Variants in PIGN observed in about 807,000 individuals in gnomAD.
PIGN encodes the protein GPI ethanolamine phosphate transferase 1.
A neutral mutation model predicts 125.4 loss-of-function variants in PIGN; 117 were observed. That is an observed-to-expected ratio of 0.93 (90% CI 0.80 to 1.09). The LOEUF is 1.09. PIGN is among the 50% of genes least tolerant of loss of function. PIGN has a pLI of 0.00. For missense variants in PIGN, 1,075 were observed against 1,094.9 expected, an observed-to-expected ratio of 0.98 and a Z score of 0.26; for synonymous variants, 392 against 377.8, an observed-to-expected ratio of 1.04 and a Z score of -0.44.
In PIGN at chr18:62,157,696, C is replaced by T. The variant is rs747737134; in HGVS notation, c.334G>A (p.Val112Ile). The stretch of plus-strand genomic sequence containing the variant: ...TCCAAATAGACAATACCTTTGGCAA[C>T]TGCACTGACATCTTCATAAAACCCA... ...IAGFYEDVSA[V>I]AKGWKENPVE... The change falls in exon 5 of 31, where the codon GTT becomes ATT. Residue 112 changes from valine to isoleucine, a missense_variant. Val to Ile is a conservative substitution (Grantham distance 29, BLOSUM62 3). This residue lies in a region of PIGN where 152 missense variants were observed against 162.9 expected (regional missense o/e 0.93). Transcript: ENST00000640252. The T allele has an allele frequency of 1.2e-6, 2 of 1,610,534 alleles. No homozygotes were observed. Among genetic ancestry groups the T allele is most frequent in the African/African-American group, 1.3e-5 (1 of 74,892 alleles).
Position 62,149,548 on chromosome 18 carries a change from T to C in PIGN, c.550-1210A>G, listed in dbSNP as rs148053140. On this transcript the variant is annotated intron_variant, in intron 7 of 30. Coordinates refer to ENST00000640252, the MANE Select transcript of PIGN (RefSeq NM_176787.5). ...TAGATGTGCCTATCCTATCCTTTCT[T>C]GCAGCTAGATGTGCCTTTGTGGTTT... Among the ~76,000 whole-genome samples, 27 of 152,342 alleles carry C rather than the reference T, an allele frequency of 1.8e-4. 1 individual carries two copies. The highest frequency in any genetic ancestry group is 5.8e-4 in the African/African-American group (24 of 41,592).
chr18:62,049,045 T>C (rs2031009806), intron 30 of PIGN, among the ~76,000 whole-genome samples: 1 of 152,104 alleles, frequency 6.6e-6, no homozygotes, highest in Non-Finnish European at 1.5e-5. Flanking sequence ...TCCTTTTTTA[T>C]GGCTGCATAG....
At chr18:62,050,496 CTGTT>C (rs1438861874) in intron 30 of PIGN, among the ~76,000 whole-genome samples, 12 of 151,672 alleles carry the variant, frequency 7.9e-5, no homozygotes, top group Non-Finnish European at 1.8e-4. Context: ...ATTTGGCTCT[CTGTT>C]TGTCTGTTGT....
At chr18:62,175,351 C>A (rs2037489332) in intron 1 of PIGN, among the ~76,000 whole-genome samples, 1 of 152,010 alleles carries the variant, frequency 6.6e-6, no homozygotes, top group African/African-American at 2.4e-5. Context: ...GTTCACTATA[C>A]TTCATTCTAA....
intron 14 of PIGN, among the ~76,000 whole-genome samples, chr18:62,127,611 G>A (rs2035581769): frequency 6.6e-6 from 1 of 152,118 alleles, no homozygotes; most frequent in South Asian, 2.1e-4. Flanking sequence ...CTGTGAGCGG[G>A]TAGTCATGAG....
intron 28 of PIGN, among the ~76,000 whole-genome samples, chr18:62,080,813 G>A (rs1379074659): frequency 1.3e-5 from 2 of 152,058 alleles, no homozygotes; most frequent in Non-Finnish European, 1.5e-5. Flanking sequence ...ATTTCTCTGA[G>A]CTACTGTTAG....
Position 62,043,109 on chromosome 18 carries a change from T to A in PIGN, c.*2747A>T, listed in dbSNP as rs2030444260. Reference sequence around the variant, plus strand: ...AGGTGAGAAATGATCAAGTTATCTCTGGTCTCTTAAAAGAAGGAGTTCTCA... The same window carrying A: ...AGGTGAGAAATGATCAAGTTATCTCAGGTCTCTTAAAAGAAGGAGTTCTCA... On this transcript the variant is annotated 3_prime_UTR_variant, in exon 31 of 31. Transcript: ENST00000640252. 1 of 152,170 alleles carries A rather than the reference T, an allele frequency of 6.6e-6. No individual in the cohort carries two copies. Among genetic ancestry groups the A allele is most frequent in the Non-Finnish European group, 1.5e-5 (1 of 68,026 alleles). The allele number at this position is 152,170 out of a possible 1,614,324, so 9.4% of individuals were successfully genotyped here.
At chr18:62,071,630 G>C (rs1396283565) in intron 30 of PIGN, among the ~76,000 whole-genome samples, 2 of 151,866 alleles carry the variant, frequency 1.3e-5, no homozygotes, top group Non-Finnish European at 2.9e-5. Context: ...GGTCCCATAA[G>C]ATGATAACAG....
intron 10 of PIGN, among the ~76,000 whole-genome samples, chr18:62,143,936 A>C (rs1165314837): frequency 5.9e-5 from 9 of 152,204 alleles, no homozygotes; most frequent in Non-Finnish European, 1.3e-4. Context: ...TAAACAAGTG[A>C]TTATGAGAGA....
chr18:62,030,064 C>T (rs930075482), intron 23 of PIGN, among the ~76,000 whole-genome samples: 1 of 152,124 alleles, frequency 6.6e-6, no homozygotes, highest in Non-Finnish European at 1.5e-5. Flanking sequence ...GGTCAGCCTC[C>T]GAGGCCCTGG....
chr18:62,155,005 A>G (rs1254640725), intron 6 of PIGN, among the ~76,000 whole-genome samples: 3 of 152,184 alleles, frequency 2.0e-5, no homozygotes, highest in African/African-American at 7.2e-5. Flanking sequence ...ACTATTCAAA[A>G]CATGTGTGCC....
At chr18:62,130,963 A>C (rs925208262) in intron 14 of PIGN, among the ~76,000 whole-genome samples, 2 of 152,168 alleles carry the variant, frequency 1.3e-5, no homozygotes, top group African/African-American at 4.8e-5. Context: ...TGAATAAATG[A>C]ATAATATTTT....
intron 1 of PIGN, among the ~76,000 whole-genome samples, chr18:62,173,297 G>C (rs548480060): frequency 6.6e-6 from 1 of 152,298 alleles, no homozygotes; most frequent in East Asian, 1.9e-4. Context: ...CTGCCACCCA[G>C]GCTGGAGTGC....
At position 62,048,621 on chromosome 18, in the gene PIGN, T is replaced by C. The variant is rs1173708224; in HGVS notation, c.2673-2642A>G. 1.3e-4 allele frequency among the ~76,000 whole-genome samples: 3 copies of C among 23,584 alleles called. No individual in the cohort carries two copies. The Admixed American group carries it at 1.3e-3, about 10-fold the overall frequency. The allele number at this position is 23,584 out of a possible 152,430, so 15.5% of individuals were successfully genotyped here. ...ATAAGGGGAAATCAGAATTCACAGATGAAAAAAAAAAACCAAATGAATTTA... is the reference window on the plus strand; with the variant it reads ...ATAAGGGGAAATCAGAATTCACAGACGAAAAAAAAAAACCAAATGAATTTA... On this transcript the variant is annotated intron_variant, in intron 30 of 30. Coordinates refer to ENST00000640252, the MANE Select transcript of PIGN (RefSeq NM_176787.5).
At chr18:62,147,693 G>A (rs1217804654) in intron 8 of PIGN, among the ~76,000 whole-genome samples, 1 of 152,138 alleles carries the variant, frequency 6.6e-6, no homozygotes, top group South Asian at 2.1e-4. Context: ...AGAAATAAGA[G>A]TATAACATGG....
At chr18:62,158,750 G>A (rs1307816871) in intron 4 of PIGN, among the ~76,000 whole-genome samples, 1 of 152,176 alleles carries the variant, frequency 6.6e-6, no homozygotes, top group Non-Finnish European at 1.5e-5. Flanking sequence ...AATAAAAGCA[G>A]TTTTGGTGAA....
intron 30 of PIGN, among the ~76,000 whole-genome samples, chr18:62,048,304 G>T (rs183808085): frequency 6.6e-6 from 1 of 152,270 alleles, no homozygotes; most frequent in East Asian, 1.9e-4. Flanking sequence ...TGGCTGAAAA[G>T]TTTCCAAATT....
chr18:62,071,728 G>A (rs1303149964), intron 30 of PIGN, among the ~76,000 whole-genome samples: 1 of 151,608 alleles, frequency 6.6e-6, no homozygotes, highest in African/African-American at 2.4e-5. Context: ...CTACTGCACT[G>A]CCAGTCCTAT....
chr18:62,095,054 G>A (rs1178526031), intron 23 of PIGN, among the ~76,000 whole-genome samples: 1 of 152,158 alleles, frequency 6.6e-6, no homozygotes. Context: ...TTTGAACTGT[G>A]AATAATCTCA....
Sources: allele counts gnomAD v4.1 joint callset (sites outside exome capture counted in the v4.1 genomes callset), GRCh38; gene constraint gnomAD v4.1.1; regional missense constraint gnomAD v4.1.1; transcripts MANE v1.5; gene names NCBI Gene and HGNC (gene_info 2026-07-23, HGNC 2026-07-21).